The following VPS51 variants were observed in gnomAD, a reference collection of about 807,000 sequenced individuals.
VPS51 encodes VPS51 subunit of GARP complex, also known as vacuolar protein sorting-associated protein 51 homolog.
In VPS51, 55 loss-of-function variants were observed where a neutral mutation model predicts 65.1. That is an observed-to-expected ratio of 0.84 (90% CI 0.68 to 1.06). VPS51 has a LOEUF of 1.06. VPS51 is among the 50% of genes least tolerant of loss of function. The probability of loss-of-function intolerance (pLI) is 0.00; values close to 1 mark genes in which losing one functional copy is unlikely to be tolerated. For synonymous variants in VPS51, 473 were observed against 489.5 expected, an observed-to-expected ratio of 0.97 and a Z score of 0.44; for missense variants, 943 against 1,101.6, an observed-to-expected ratio of 0.86 and a Z score of 2.04.
At position 65,111,621 on chromosome 11, in the gene VPS51, C is replaced by T. The variant is rs117099117; in HGVS notation, c.*34C>T. On this transcript the variant is annotated 3_prime_UTR_variant, in exon 10 of 10. Coordinates refer to ENST00000279281, the MANE Select transcript of VPS51 (RefSeq NM_013265.4). ...GCTGCCATGCACCGGTCTGTCCCTGCACCCCATGGCACCCAGGATCTGGTC... is the reference window on the plus strand; with the variant it reads ...GCTGCCATGCACCGGTCTGTCCCTGTACCCCATGGCACCCAGGATCTGGTC... 2,315 of 1,568,386 alleles carry T rather than the reference C, an allele frequency of 1.5e-3. 4 individuals are homozygous for T. The highest frequency in any genetic ancestry group is 2.3e-3 in the African/African-American group (170 of 74,338).
At chr11:65,104,378 A>G (rs1947828737) in intron 2 of VPS51, among the ~76,000 whole-genome samples, 1 of 152,216 alleles carries the variant, frequency 6.6e-6, no homozygotes, top group South Asian at 2.1e-4. Context: ...TGTCCTTGCC[A>G]TGTTTTGACT....
intron 1 of VPS51, 140 bp from the exon 2 acceptor site, chr11:65,096,858 T>A: frequency 2.3e-6 from 3 of 1,329,456 alleles, no homozygotes; most frequent in Non-Finnish European, 3.1e-6. Flanking sequence ...GCCCCCTGCC[T>A]GGGATTCCTG....
intron 7 of VPS51, 200 bp downstream of exon 7, chr11:65,110,123 C>T: frequency 1.5e-6 from 1 of 659,528 alleles, no homozygotes; most frequent in Non-Finnish European, 2.6e-6. Flanking sequence ...AGGATGAAGA[C>T]CAAACGGGCT....
intron 2 of VPS51, among the ~76,000 whole-genome samples, chr11:65,101,040 G>A (rs74789293): frequency 0.021 from 3,151 of 152,276 alleles, 61 homozygotes; most frequent in Non-Finnish European, 0.032. Context: ...TTCCATTTCT[G>A]TTAAATGTAT....
Position 65,096,482 on chromosome 11 carries a change from T to A in VPS51, c.228+4T>A. 1 of 925,866 alleles carries A rather than the reference T, an allele frequency of 1.1e-6. No homozygotes were observed. The highest frequency in any genetic ancestry group is 1.5e-5 in the South Asian group (1 of 64,658). The allele number at this position is 925,866 out of a possible 1,614,324, so 57.4% of individuals were successfully genotyped here. ...CCCGGAAGTTTACCTAGACAAGGTG[T>A]GTGCGCACGGGGAGTGGGGGGGTGC... On this transcript the variant is annotated splice_donor_region_variant and intron_variant, in intron 1 of 9. Transcript: ENST00000279281.
At position 65,096,856 on chromosome 11, in the gene VPS51, C is replaced by T. The variant is rs897374158; in HGVS notation, c.229-142C>T. ...GAGCTAGGCCACTTAGGGCCCCCTG[C>T]CTGGGATTCCTGACAGCCGGCGGGG... On this transcript the variant is annotated intron_variant, in intron 1 of 9. Coordinates refer to ENST00000279281, the MANE Select transcript of VPS51 (RefSeq NM_013265.4). 3 of 1,322,932 alleles carry T rather than the reference C, an allele frequency of 2.3e-6. No homozygotes were observed. In the African/African-American group the frequency reaches 4.4e-5, roughly 19 times the overall value. 81.9% of individuals were successfully genotyped at this position (1,322,932 alleles called of 1,614,324 possible).
rs1454193808 is a variant in VPS51 at position 65,107,184 on chromosome 11, C to T, written c.359-397C>T. 1.1e-5 allele frequency: 5 copies of T among 473,572 alleles called. No homozygotes were observed. Among genetic ancestry groups the T allele is most frequent in the South Asian group, 1.5e-5 (1 of 64,748 alleles). The allele number at this position is 473,572 out of a possible 1,614,324, so 29.3% of individuals were successfully genotyped here. A position where few individuals can be genotyped will look rare whatever the true frequency, so the allele number is the denominator to read the frequency against. ...GTCAACAAGAATGTATTGCCTCATC[C>T]AGGCAGTGCGCTGGACACGCAGATG... On this transcript the variant is annotated intron_variant, in intron 2 of 9. Coordinates refer to ENST00000279281, the MANE Select transcript of VPS51 (RefSeq NM_013265.4). The surrounding 1 kb of genome is among the most constrained non-coding windows in gnomAD (Gnocchi z 4.0).
At position 65,107,741 on chromosome 11, in the gene VPS51, G is replaced by A; in HGVS notation, c.505+14G>A. 2 of 1,605,564 alleles carry A rather than the reference G, an allele frequency of 1.2e-6. No individual in the cohort carries two copies. The highest frequency in any genetic ancestry group is 1.7e-4 in the Middle Eastern group (1 of 6,050). On this transcript the variant is annotated intron_variant, in intron 3 of 9. Coordinates refer to ENST00000279281, the MANE Select transcript of VPS51 (RefSeq NM_013265.4). The surrounding 1 kb of genome is among the most constrained non-coding windows in gnomAD (Gnocchi z 4.0). ...CCAAGCTGGCAGGTGGGCGCTGCCG[G>A]GCAGGGCCTGCAGTGGGCCTTTCCT...
intron 7 of VPS51, chr11:65,110,177 A>G: frequency 1.6e-6 from 1 of 621,620 alleles, no homozygotes; most frequent in Non-Finnish European, 2.8e-6. Context: ...TCAGCCCAGG[A>G]TTATGACATC....
rs778114839 is a variant in VPS51 at position 65,107,737 on chromosome 11, G to T, written c.505+10G>T. 2 of 1,605,642 alleles carry T rather than the reference G, an allele frequency of 1.2e-6. No homozygotes were observed. The highest frequency in any genetic ancestry group is 1.1e-5 in the South Asian group (1 of 90,938). On this transcript the variant is annotated intron_variant, in intron 3 of 9. Coordinates refer to ENST00000279281, the MANE Select transcript of VPS51 (RefSeq NM_013265.4). This position sits in a 1 kb window ranked among gnomAD's most constrained non-coding sequence, Gnocchi z 4.0. ...ATCACCAAGCTGGCAGGTGGGCGCTGCCGGGCAGGGCCTGCAGTGGGCCTT... is the reference window on the plus strand; with the variant it reads ...ATCACCAAGCTGGCAGGTGGGCGCTTCCGGGCAGGGCCTGCAGTGGGCCTT...
At position 65,110,672 on chromosome 11, in the gene VPS51, T is replaced by C. The variant is rs774370965; in HGVS notation, c.2001-22T>C. 19 of 1,614,138 alleles carry C rather than the reference T, an allele frequency of 1.2e-5. 1 individual carries two copies. In the South Asian group the frequency reaches 1.9e-4, roughly 16 times the overall value. ...GGCGAGGGTGCAGGGCGGGCTCTGA[T>C]TCCTTGTCTTCCCCAATCCAGTGCC... is the stretch of plus-strand genomic sequence containing the variant. On this transcript the variant is annotated intron_variant, in intron 8 of 9. Coordinates refer to ENST00000279281, the MANE Select transcript of VPS51 (RefSeq NM_013265.4).
chr11:65,097,446 G>A (rs1031903394), intron 2 of VPS51, among the ~76,000 whole-genome samples: 6 of 152,128 alleles, frequency 3.9e-5, no homozygotes, highest in Admixed American at 6.6e-5. Context: ...CTGCAGCCTC[G>A]ACATCCCAGG....
intron 9 of VPS51, chr11:65,111,035 C>A: frequency 1.5e-6 from 1 of 674,174 alleles, no homozygotes; most frequent in South Asian, 1.7e-5. Flanking sequence ...TTGCCCTTGT[C>A]CTTATCCCCA....
chr11:65,110,699 C>G lies in VPS51; in HGVS notation c.2006C>G (p.Pro669Arg), dbSNP rs372760329. The G allele has an allele frequency of 3.1e-6, 5 of 1,614,028 alleles. No homozygotes were observed. The African/African-American group carries it at 6.7e-5, about 22-fold the overall frequency. Reference sequence around the variant, plus strand: ...CCTTGTCTTCCCCAATCCAGTGCCCCGATGGACACCAACCTCTTGAGCAAT... The same window carrying G: ...CCTTGTCTTCCCCAATCCAGTGCCCGGATGGACACCAACCTCTTGAGCAAT... ...RYAPSYTPSA[P>R]MDTNLLSNIQ... is the part of the protein sequence containing the mutation. The change falls in exon 9 of 10, where the codon CCG becomes CGG. Residue 669 changes from proline to arginine, a missense_variant. Physicochemically the swap from Pro to Arg is moderately radical, Grantham distance 103 (BLOSUM62 -2). Transcript: ENST00000279281.
chr11:65,109,998 A>G, intron 7 of VPS51, 75 bp downstream of exon 7: 8 of 1,439,224 alleles, frequency 5.6e-6, no homozygotes, highest in Non-Finnish European at 7.5e-6. Context: ...CTGGGGCAGC[A>G]GAGGATCACT....
chr11:65,111,691 A>G lies in VPS51; in HGVS notation c.*104A>G. ...GGCAGGTGTCAGGACCGGCCTAATA[A>G]ACATGTGTGGCCTCCTCCTCTCGCT... On this transcript the variant is annotated 3_prime_UTR_variant, in exon 10 of 10. Transcript: ENST00000279281. The G allele has an allele frequency of 7.0e-7, 1 of 1,432,328 alleles. No homozygotes were observed. The highest frequency in any genetic ancestry group is 9.2e-7 in the Non-Finnish European group (1 of 1,087,032). 88.7% of individuals were successfully genotyped at this position (1,432,328 alleles called of 1,614,324 possible).
In VPS51 at chr11:65,107,410, C is replaced by G; in HGVS notation, c.359-171C>G. ...TGCTTTGGGAACATAAACCCCCTCC[C>G]CCGCCCCCATGTGCGCTGTGACCCA... On this transcript the variant is annotated intron_variant, in intron 2 of 9. Transcript: ENST00000279281. This position sits in a 1 kb window ranked among gnomAD's most constrained non-coding sequence, Gnocchi z 4.0. The G allele has an allele frequency of 1.3e-6, 1 of 746,422 alleles. No individual in the cohort carries two copies. The highest frequency in any genetic ancestry group is 1.8e-5 in the South Asian group (1 of 55,580). The allele number at this position is 746,422 out of a possible 1,614,324, so 46.2% of individuals were successfully genotyped here.
intron 2 of VPS51, among the ~76,000 whole-genome samples, chr11:65,097,488 A>G (rs1947779008): frequency 1.3e-5 from 2 of 152,152 alleles, no homozygotes; most frequent in Non-Finnish European, 2.9e-5. Context: ...CTACCAAAGC[A>G]CTGGGATTAC....
rs1440709728 is a variant in VPS51, at chr11:65,096,348, C to T, written c.98C>T (p.Ala33Val). The T allele has an allele frequency of 9.8e-6, 15 of 1,525,680 alleles. No homozygotes were observed. 94.5% of individuals were successfully genotyped at this position (1,525,680 alleles called of 1,614,324 possible). ...EGEAPERRRK[A>V]HGMLKLYYGL... is the part of the protein sequence containing the mutation. ...GAGGCTCCGGAGCGTCGGCGGAAGG[C>T]GCACGGGATGCTGAAGCTTTACTAC... Residue 33 changes from alanine to valine, a missense_variant, in exon 1 of 10, where the codon GCG becomes GTG. Ala to Val is a moderately conservative substitution (Grantham distance 64). Transcript: ENST00000279281.
Sources: allele counts gnomAD v4.1 joint callset (sites outside exome capture counted in the v4.1 genomes callset), GRCh38; gene constraint gnomAD v4.1.1; non-coding constraint Gnocchi (gnomAD v3.1); transcripts MANE v1.5; gene names NCBI Gene and HGNC (gene_info 2026-07-23, HGNC 2026-07-21).